RSBN1L: variants seen among roughly 807,000 people sequenced by gnomAD.
The protein encoded by RSBN1L is lysine-specific demethylase RSBN1L.
In RSBN1L, 30 loss-of-function variants were observed where a neutral mutation model predicts 67.7. That is an observed-to-expected ratio of 0.44 (90% CI 0.33 to 0.60). RSBN1L has a LOEUF of 0.60. Among genes scored for constraint, RSBN1L ranks in the 20% least tolerant of loss-of-function variants. The pLI is 0.02. For missense variants in RSBN1L, 992 were observed against 1,031.7 expected (o/e 0.96, Z 0.53); for synonymous variants, 433 against 387.0 (o/e 1.12, Z -1.39).
intron 6 of RSBN1L, among the ~76,000 whole-genome samples, chr7:77,777,874 T>A (rs1376219295): frequency 6.6e-6 from 1 of 152,154 alleles, no homozygotes; most frequent in Non-Finnish European, 1.5e-5. Context: ...CAATGAAGTC[T>A]CTTAATTTAT....
chr7:77,758,360 T>A (rs982663380), intron 3 of RSBN1L, among the ~76,000 whole-genome samples: 2 of 152,174 alleles, frequency 1.3e-5, no homozygotes, highest in African/African-American at 2.4e-5. Context: ...TTTTAATATT[T>A]GTGGGTACAT....
At chr7:77,704,042 T>C (rs1294029774) in intron 1 of RSBN1L, among the ~76,000 whole-genome samples, 2 of 152,220 alleles carry the variant, frequency 1.3e-5, no homozygotes, top group Admixed American at 6.5e-5. Flanking sequence ...ACATGGTATA[T>C]TGTAGAACCT....
chr7:77,712,970 T>C (rs1790995060), intron 1 of RSBN1L, among the ~76,000 whole-genome samples: 1 of 152,238 alleles, frequency 6.6e-6, no homozygotes, highest in Admixed American at 6.5e-5. Flanking sequence ...TCACTTGCAT[T>C]ATATATGAGA....
At chr7:77,777,044 G>A (rs1404115751) in intron 6 of RSBN1L, among the ~76,000 whole-genome samples, 1 of 150,162 alleles carries the variant, frequency 6.7e-6, no homozygotes, top group Non-Finnish European at 1.5e-5. Context: ...TTAGTAGCTT[G>A]TAGCTCTGTG....
intron 1 of RSBN1L, among the ~76,000 whole-genome samples, chr7:77,733,558 C>T (rs1791296666): frequency 6.6e-6 from 1 of 151,976 alleles, no homozygotes; most frequent in East Asian, 1.9e-4. Flanking sequence ...AAACTTTCCA[C>T]CTTAAATAGT....
chr7:77,744,619 T>C (rs1220169918), intron 2 of RSBN1L, among the ~76,000 whole-genome samples: 2 of 151,758 alleles, frequency 1.3e-5, no homozygotes, highest in African/African-American at 2.4e-5. Context: ...GGTTTCACCA[T>C]GTTGGCCAGG....
At chr7:77,774,600 G>A (rs1791887382) in intron 6 of RSBN1L, among the ~76,000 whole-genome samples, 1 of 152,100 alleles carries the variant, frequency 6.6e-6, no homozygotes, top group Non-Finnish European at 1.5e-5. Context: ...AGCTGGCCGT[G>A]GTGGCACGTG....
chr7:77,751,233 G>T (rs1449341863), intron 3 of RSBN1L, among the ~76,000 whole-genome samples: 1 of 152,046 alleles, frequency 6.6e-6, no homozygotes. Context: ...TCTGCCTTCC[G>T]GGTTCAAGCG....
intron 1 of RSBN1L, among the ~76,000 whole-genome samples, chr7:77,725,845 A>G (rs1305996101): frequency 1.3e-5 from 2 of 150,220 alleles, no homozygotes; most frequent in East Asian, 2.0e-4. Context: ...CTGCCTCCCA[A>G]AGTGCTGGGA....
intron 3 of RSBN1L, among the ~76,000 whole-genome samples, chr7:77,750,974 A>C (rs1350862378): frequency 6.6e-6 from 1 of 152,212 alleles, no homozygotes; most frequent in Non-Finnish European, 1.5e-5. Flanking sequence ...ATCTTCATCC[A>C]GGGCTCCTTT....
At chr7:77,744,889 C>T (rs1791460775) in intron 2 of RSBN1L, among the ~76,000 whole-genome samples, 1 of 152,182 alleles carries the variant, frequency 6.6e-6, no homozygotes, top group Non-Finnish European at 1.5e-5. Context: ...CATTAAACTT[C>T]ACTTTTATGG....
intron 6 of RSBN1L, among the ~76,000 whole-genome samples, chr7:77,776,726 C>G (rs1791919204): frequency 6.8e-6 from 1 of 147,442 alleles, no homozygotes; most frequent in African/African-American, 2.4e-5. Context: ...GCCAATTCAG[C>G]CTTCTTCTTA....
intron 5 of RSBN1L, among the ~76,000 whole-genome samples, chr7:77,771,926 AGGG>A (rs1381396688): frequency 6.6e-6 from 1 of 152,124 alleles, no homozygotes; most frequent in Non-Finnish European, 1.5e-5. Context: ...ATGTACTTTA[AGGG>A]GGTTCACCAC....
At chr7:77,751,390 T>C (rs1002519157) in intron 3 of RSBN1L, among the ~76,000 whole-genome samples, 4 of 152,220 alleles carry the variant, frequency 2.6e-5, no homozygotes, top group African/African-American at 9.6e-5. Context: ...CCTGCCTGCC[T>C]TGGCCTCCCA....
chr7:77,763,551 T>C (rs962633975), intron 3 of RSBN1L, among the ~76,000 whole-genome samples: 1 of 152,206 alleles, frequency 6.6e-6, no homozygotes, highest in African/African-American at 2.4e-5. Flanking sequence ...CTGCTATTAA[T>C]GCATCTAGAG....
At chr7:77,728,830 C>T (rs539827590) in intron 1 of RSBN1L, among the ~76,000 whole-genome samples, 21 of 152,280 alleles carry the variant, frequency 1.4e-4, no homozygotes, top group African/African-American at 4.8e-4. Context: ...AAGTCGATTT[C>T]TCTTACCATC....
chr7:77,735,771 A>G (rs1265121776), intron 1 of RSBN1L, among the ~76,000 whole-genome samples: 1 of 152,054 alleles, frequency 6.6e-6, no homozygotes, highest in Non-Finnish European at 1.5e-5. Context: ...ATAGGCTATC[A>G]AATATTTTGT....
intron 1 of RSBN1L, among the ~76,000 whole-genome samples, chr7:77,700,309 C>T (rs1227404138): frequency 6.6e-6 from 1 of 152,184 alleles, no homozygotes; most frequent in African/African-American, 2.4e-5. Flanking sequence ...AGTGTGCCTT[C>T]ACTGACTCCA....
intron 1 of RSBN1L, among the ~76,000 whole-genome samples, chr7:77,712,822 T>C (rs1394113580): frequency 1.4e-5 from 2 of 143,606 alleles, no homozygotes; most frequent in African/African-American, 2.6e-5. Context: ...AATAAAACAA[T>C]GTGTAGGCGT....
Sources: allele counts gnomAD v4.1 joint callset (sites outside exome capture counted in the v4.1 genomes callset), GRCh38; gene constraint gnomAD v4.1.1; transcripts MANE v1.5; gene names NCBI Gene and HGNC (gene_info 2026-07-23, HGNC 2026-07-21).